PTPRN2: variants seen among roughly 807,000 people sequenced by gnomAD.
PTPRN2 encodes the protein receptor-type tyrosine-protein phosphatase N2.
A neutral mutation model predicts 118.8 loss-of-function variants in PTPRN2; 74 were observed. The observed-to-expected ratio is 0.62, with a 90% CI of 0.52 to 0.76. The LOEUF (loss-of-function observed/expected upper bound fraction) is 0.76. PTPRN2 is among the 30% of genes least tolerant of loss of function. The pLI, the probability that PTPRN2 is intolerant of heterozygous loss-of-function variation, is 0.00. For missense variants in PTPRN2, 1,481 were observed against 1,394.4 expected (o/e 1.06, Z -0.99); for synonymous variants, 641 against 608.0 (o/e 1.05, Z -0.80).
In PTPRN2 at chr7:157,770,443, G is replaced by A. The variant is rs1047842297; in HGVS notation, c.1789-87506C>T. Among the ~76,000 whole-genome samples the A allele has an allele frequency of 5.9e-5, 9 of 152,154 alleles. 1 individual carries two copies. The highest frequency in any genetic ancestry group is 1.3e-4 in the Admixed American group (2 of 15,276). On this transcript the variant is annotated intron_variant, in intron 12 of 22. Transcript: ENST00000389418. ...AGGTCCCACCTCTTTACGTTAAACC[G>A]GAGGCTTTCTGCTGTTGTCAGGCCC...
intron 15 of PTPRN2, among the ~76,000 whole-genome samples, chr7:157,620,780 G>C (rs1317397514): frequency 6.6e-6 from 1 of 152,200 alleles, no homozygotes; most frequent in Non-Finnish European, 1.5e-5. Flanking sequence ...GGCCTTCCCA[G>C]AGGGGGCAAG....
At chr7:158,050,338 T>A (rs1809232373) in intron 11 of PTPRN2, among the ~76,000 whole-genome samples, 1 of 152,236 alleles carries the variant, frequency 6.6e-6, no homozygotes, top group African/African-American at 2.4e-5. Flanking sequence ...TTTGAAAATA[T>A]CTTGGGTGCA....
chr7:157,605,117 C>T (rs1211606023), intron 15 of PTPRN2, among the ~76,000 whole-genome samples: 2 of 152,272 alleles, frequency 1.3e-5, no homozygotes, highest in East Asian at 3.8e-4. Context: ...GTTTGGCTCA[C>T]ACTACCAGCC....
intron 1 of PTPRN2, among the ~76,000 whole-genome samples, chr7:158,542,604 A>C (rs994392768): frequency 6.6e-6 from 1 of 152,224 alleles, no homozygotes; most frequent in African/African-American, 2.4e-5. Context: ...AGCAGCGTCC[A>C]TCCCTCTCCC....
intron 10 of PTPRN2, among the ~76,000 whole-genome samples, chr7:158,087,514 T>G (rs1813522600): frequency 6.6e-6 from 1 of 152,212 alleles, no homozygotes; most frequent in Admixed American, 6.5e-5. Flanking sequence ...CCGTGAAAGG[T>G]GACTCCTATT....
intron 11 of PTPRN2, among the ~76,000 whole-genome samples, chr7:158,001,470 G>T (rs1186053236): frequency 1.3e-5 from 2 of 152,056 alleles, no homozygotes; most frequent in Non-Finnish European, 2.9e-5. Flanking sequence ...AGGTACAGCT[G>T]ATTCCAAACC....
rs1376796712 is a variant in PTPRN2, at chr7:158,093,770, T to C, written c.1644-12393A>G. The stretch of plus-strand genomic sequence containing the variant: ...ATTGTGTATTCCTGCCTCTCGTACA[T>C]GAGGCAATAACTTCCCAAAATATCT... On this transcript the variant is annotated intron_variant, in intron 10 of 22. Coordinates refer to ENST00000389418, the MANE Select transcript of PTPRN2 (RefSeq NM_002847.5). The surrounding 1 kb of genome is among the most constrained non-coding windows in gnomAD (Gnocchi z 4.4). Among the ~76,000 whole-genome samples, 1 of 152,192 alleles carries C rather than the reference T, an allele frequency of 6.6e-6. No individual in the cohort carries two copies. The highest frequency in any genetic ancestry group is 2.4e-5 in the African/African-American group (1 of 41,452).
At chr7:157,665,930 A>G (rs1176501067) in intron 13 of PTPRN2, among the ~76,000 whole-genome samples, 1 of 152,232 alleles carries the variant, frequency 6.6e-6, no homozygotes, top group African/African-American at 2.4e-5. Context: ...TGGGAAGTGA[A>G]CAATGAGAAC....
At chr7:157,891,441 C>T (rs542166671) in intron 12 of PTPRN2, among the ~76,000 whole-genome samples, 199 of 123,474 alleles carry the variant, frequency 1.6e-3, no homozygotes, top group Non-Finnish European at 2.9e-3. Flanking sequence ...TAACAAACAT[C>T]ACACAGCAAA....
chr7:158,153,398 A>G (rs1821391340), intron 6 of PTPRN2, among the ~76,000 whole-genome samples: 2 of 152,172 alleles, frequency 1.3e-5, no homozygotes, highest in South Asian at 4.1e-4. Flanking sequence ...AGACGGCAAA[A>G]TTAAAGGAGC....
At chr7:158,151,166 G>A (rs13231105) in intron 6 of PTPRN2, among the ~76,000 whole-genome samples, 4,279 of 15,264 alleles carry the variant, frequency 0.28, 1,048 homozygotes, top group Middle Eastern at 0.46. Flanking sequence ...TGCCCACACC[G>A]CCCGCCTTTC....
intron 12 of PTPRN2, among the ~76,000 whole-genome samples, chr7:157,860,141 C>A (rs1196196029): frequency 6.6e-6 from 1 of 152,276 alleles, no homozygotes; most frequent in African/African-American, 2.4e-5. Context: ...CAGCAGCCCA[C>A]TGGGGGAGCC....
chr7:157,569,944 GT>G (rs1799676731), intron 20 of PTPRN2, among the ~76,000 whole-genome samples: 1 of 152,260 alleles, frequency 6.6e-6, no homozygotes, highest in South Asian at 2.1e-4. Context: ...CACACTTTCG[GT>G]TCTGCTTTCT....
rs57126570 is a variant in PTPRN2 at position 157,978,581 on chromosome 7, C to G, written c.1724-79844G>C. On this transcript the variant is annotated intron_variant, in intron 11 of 22. Transcript: ENST00000389418. ...AAGGTCTTAATGCTGGCATCTTTAACAAACCCTTCAAAGTCACAAACACTC... is the reference window on the plus strand; with the variant it reads ...AAGGTCTTAATGCTGGCATCTTTAAGAAACCCTTCAAAGTCACAAACACTC... 4.6e-3 allele frequency among the ~76,000 whole-genome samples: 696 copies of G among 152,064 alleles called. 6 individuals are homozygous for G. Among genetic ancestry groups the G allele is most frequent in the African/African-American group, 0.016 (671 of 41,530 alleles).
At chr7:157,731,361 G>A (rs1011321323) in intron 12 of PTPRN2, among the ~76,000 whole-genome samples, 7 of 152,198 alleles carry the variant, frequency 4.6e-5, no homozygotes, top group Non-Finnish European at 1.0e-4. Flanking sequence ...GACTAGAACC[G>A]TATCTGGCAT....
chr7:157,899,630 TTGTAACGCCCC>T (rs145408956), intron 11 of PTPRN2, among the ~76,000 whole-genome samples: 3,710 of 152,320 alleles, frequency 0.024, 51 homozygotes, highest in Non-Finnish European at 0.038. Flanking sequence ...TCACCCCTTA[TTGTAACGCCCC>T]TGTGTTAATC....
At position 158,462,534 on chromosome 7, in the gene PTPRN2, T is replaced by C. The variant is rs532276145; in HGVS notation, c.163+27201A>G. 5.5e-4 allele frequency among the ~76,000 whole-genome samples: 83 copies of C among 152,182 alleles called. 1 individual carries two copies. The South Asian group carries it at 0.016, about 30-fold the overall frequency. On this transcript the variant is annotated intron_variant, in intron 2 of 22. Transcript: ENST00000389418. ...GGTCCTGTCTCGGCCATGAAAATGGTGGTAGAGAAAGAGGGAACACCTGCC... is the reference window on the plus strand; with the variant it reads ...GGTCCTGTCTCGGCCATGAAAATGGCGGTAGAGAAAGAGGGAACACCTGCC...
intron 2 of PTPRN2, among the ~76,000 whole-genome samples, chr7:158,387,835 C>A (rs955180575): frequency 3.3e-5 from 5 of 152,122 alleles, no homozygotes; most frequent in African/African-American, 4.8e-5. Flanking sequence ...CAAGAGGCTG[C>A]AGCAGGAACC....
intron 13 of PTPRN2, among the ~76,000 whole-genome samples, chr7:157,677,221 A>C (rs564554973): frequency 5.9e-5 from 9 of 152,340 alleles, no homozygotes; most frequent in Admixed American, 2.0e-4. Flanking sequence ...CCTAGTGCCA[A>C]AATGAAGCCA....
Sources: allele counts gnomAD v4.1 joint callset (sites outside exome capture counted in the v4.1 genomes callset), GRCh38; gene constraint gnomAD v4.1.1; non-coding constraint Gnocchi (gnomAD v3.1); transcripts MANE v1.5; gene names NCBI Gene and HGNC (gene_info 2026-07-23, HGNC 2026-07-21).